GUCY1A2: variants seen among roughly 807,000 people sequenced by gnomAD.
The protein encoded by GUCY1A2 is guanylate cyclase 1 soluble subunit alpha 2, also known as guanylate cyclase soluble subunit alpha-2.
GUCY1A2 carries 27 observed loss-of-function variants against 63.5 expected under a neutral mutation model. The ratio of observed to expected loss-of-function variants is 0.43; its 90% CI spans 0.31 to 0.59. The LOEUF (loss-of-function observed/expected upper bound fraction) is 0.59. Among genes scored for constraint, GUCY1A2 ranks in the 20% least tolerant of loss-of-function variants. GUCY1A2 has a pLI of 0.11. For synonymous variants in GUCY1A2, 364 were observed against 343.5 expected (o/e 1.06, Z -0.66); for missense variants, 768 against 913.3 (o/e 0.84, Z 2.05).
chr11:106,931,644 CT>C, intron 4 of GUCY1A2, among the ~76,000 whole-genome samples: 1 of 152,286 alleles, frequency 6.6e-6, no homozygotes, highest in East Asian at 1.9e-4. Context: ...CAATAGAATA[CT>C]GTTCATCAGG....
chr11:106,982,656 G>T (rs950574023), intron 2 of GUCY1A2, among the ~76,000 whole-genome samples: 2 of 152,126 alleles, frequency 1.3e-5, no homozygotes, highest in African/African-American at 4.8e-5. Flanking sequence ...TTTGAACAGA[G>T]ACCTATATGT....
At chr11:106,968,361 G>C (rs1463031233) in intron 3 of GUCY1A2, among the ~76,000 whole-genome samples, 3 of 152,106 alleles carry the variant, frequency 2.0e-5, no homozygotes, top group Admixed American at 2.0e-4. Context: ...TTGGGATTAG[G>C]ATTCAAATCA....
chr11:106,868,800 T>A (rs1433516471), intron 4 of GUCY1A2, among the ~76,000 whole-genome samples: 1 of 152,118 alleles, frequency 6.6e-6, no homozygotes, highest in Non-Finnish European at 1.5e-5. Context: ...CATTGCCAAG[T>A]CAATCCTAAG....
chr11:106,720,250 T>C (rs6588919), intron 6 of GUCY1A2, among the ~76,000 whole-genome samples: 92,810 of 152,046 alleles, frequency 0.61, 29,748 homozygotes, highest in African/African-American at 0.8. Context: ...ATTTATAGAG[T>C]ATTTTATATA....
chr11:106,833,050 T>C (rs1201619004), intron 4 of GUCY1A2, among the ~76,000 whole-genome samples: 2 of 152,024 alleles, frequency 1.3e-5, no homozygotes, highest in African/African-American at 4.8e-5. Flanking sequence ...ATCTCCATTC[T>C]CTCTCCTAGG....
Position 106,681,845 on chromosome 11 carries a change from AG to A in GUCY1A2, c.*5703del, listed in dbSNP as rs1862439190. The A allele has an allele frequency of 4.6e-6, 1 of 216,126 alleles. No individual in the cohort carries two copies. The highest frequency in any genetic ancestry group is 1.9e-4 in the South Asian group (1 of 5,394). The allele number at this position is 216,126 out of a possible 1,614,324, so 13.4% of individuals were successfully genotyped here. A position where few individuals can be genotyped will look rare whatever the true frequency, so the allele number is the denominator to read the frequency against. The stretch of plus-strand genomic sequence containing the variant: ...TGTTACACGGTATTGCTTGGAAATC[AG>A]TTTTCAGATAATGTACAATTCAATA... On this transcript the variant is annotated 3_prime_UTR_variant, in exon 8 of 8. Transcript: ENST00000526355.
At chr11:106,948,716 A>C (rs1004531380) in intron 3 of GUCY1A2, among the ~76,000 whole-genome samples, 1 of 152,188 alleles carries the variant, frequency 6.6e-6, no homozygotes, top group Admixed American at 6.5e-5. Flanking sequence ...AAAAAGCATA[A>C]AATTATGTCA....
At chr11:106,956,489 G>A (rs915087010) in intron 3 of GUCY1A2, among the ~76,000 whole-genome samples, 5 of 151,980 alleles carry the variant, frequency 3.3e-5, no homozygotes, top group African/African-American at 1.2e-4. Flanking sequence ...TGTTGTTGTT[G>A]ATGCTGTTGT....
chr11:106,866,527 G>A (rs1006858687), intron 4 of GUCY1A2, among the ~76,000 whole-genome samples: 18 of 152,176 alleles, frequency 1.2e-4, no homozygotes, highest in East Asian at 7.7e-4. Context: ...AAGAGAATGC[G>A]GATGAGCCAC....
chr11:106,929,586 C>T (rs1860574563), intron 4 of GUCY1A2, among the ~76,000 whole-genome samples: 1 of 152,090 alleles, frequency 6.6e-6, no homozygotes, highest in Non-Finnish European at 1.5e-5. Context: ...ACTAGCATTA[C>T]AAAAATAACG....
chr11:106,955,846 T>C (rs1427213432), intron 3 of GUCY1A2, among the ~76,000 whole-genome samples: 1 of 152,164 alleles, frequency 6.6e-6, no homozygotes, highest in East Asian at 1.9e-4. Flanking sequence ...TTGGCCTGTC[T>C]TGCTAGGTTG....
At chr11:106,965,645 C>G (rs1261667935) in intron 3 of GUCY1A2, among the ~76,000 whole-genome samples, 1 of 152,152 alleles carries the variant, frequency 6.6e-6, no homozygotes, top group Non-Finnish European at 1.5e-5. Flanking sequence ...TTCCCATTAG[C>G]TTCTATGCTG....
chr11:106,855,710 G>T (rs1160773017), intron 4 of GUCY1A2, among the ~76,000 whole-genome samples: 1 of 152,000 alleles, frequency 6.6e-6, no homozygotes, highest in African/African-American at 2.4e-5. Flanking sequence ...TGACCATAAA[G>T]GTAAGGGTTT....
intron 1 of GUCY1A2, among the ~76,000 whole-genome samples, chr11:106,988,554 T>A (rs1861432016): frequency 6.6e-6 from 1 of 152,228 alleles, no homozygotes; most frequent in South Asian, 2.1e-4. Flanking sequence ...GATCTAGCTT[T>A]TTTCTTGTGT....
intron 6 of GUCY1A2, among the ~76,000 whole-genome samples, chr11:106,759,927 C>T (rs1281516526): frequency 6.6e-6 from 1 of 152,180 alleles, no homozygotes; most frequent in Non-Finnish European, 1.5e-5. Flanking sequence ...AAGAGCGAAA[C>T]TCTGTCTCAA....
chr11:106,938,248 T>C (rs143874385), intron 4 of GUCY1A2, among the ~76,000 whole-genome samples: 1 of 152,276 alleles, frequency 6.6e-6, no homozygotes, highest in East Asian at 1.9e-4. Context: ...CCAGCCATCT[T>C]TCTCGAATAT....
intron 4 of GUCY1A2, among the ~76,000 whole-genome samples, chr11:106,895,491 T>C (rs1017530002): frequency 1.3e-5 from 2 of 152,094 alleles, no homozygotes; most frequent in Non-Finnish European, 2.9e-5. Flanking sequence ...GGCAGGTTTT[T>C]TCCATGCCGT....
intron 4 of GUCY1A2, chr11:106,827,563 G>A (rs896113729): frequency 3.4e-6 from 5 of 1,449,544 alleles, no homozygotes; most frequent in Non-Finnish European, 2.9e-6. Context: ...AGCACACAGA[G>A]TTTCTTATAT....
intron 7 of GUCY1A2, among the ~76,000 whole-genome samples, chr11:106,698,119 A>ATTTTTTTT (rs71470827): frequency 0.02 from 2,039 of 100,412 alleles, 334 homozygotes; most frequent in African/African-American, 0.071. Flanking sequence ...GAATGTTAGA[A>ATTTTTTTT]TTTTTTTTTT....
Sources: gnomAD v4.1 joint callset for allele counts (sites outside exome capture counted in the v4.1 genomes callset) on GRCh38, gnomAD v4.1.1 for gene constraint, MANE v1.5 for transcripts, NCBI Gene and HGNC (gene_info 2026-07-23, HGNC 2026-07-21) for gene names.